The following CLIC4 variants were observed in gnomAD, a reference collection of about 807,000 sequenced individuals.
CLIC4 encodes the protein chloride intracellular channel protein 4.
In CLIC4, 13 loss-of-function variants were observed where a neutral mutation model predicts 24.6. The ratio of observed to expected loss-of-function variants is 0.53; its 90% CI spans 0.34 to 0.84. CLIC4 has a LOEUF of 0.84. Ranked by LOEUF, CLIC4 falls within the 40% of genes least tolerant of loss-of-function variation. The probability of loss-of-function intolerance (pLI) is 0.01; values close to 1 mark genes in which losing one functional copy is unlikely to be tolerated. For synonymous variants in CLIC4, 104 were observed against 111.3 expected, an observed-to-expected ratio of 0.93 and a Z score of 0.41; for missense variants, 227 against 301.7, an observed-to-expected ratio of 0.75 and a Z score of 1.83.
intron 4 of CLIC4, among the ~76,000 whole-genome samples, chr1:24,828,201 A>G (rs971033168): frequency 5.3e-5 from 8 of 152,162 alleles, no homozygotes; most frequent in African/African-American, 1.2e-4. Flanking sequence ...TTGGATTCCA[A>G]TGTCTTTTGC....
intron 1 of CLIC4, among the ~76,000 whole-genome samples, chr1:24,794,225 C>T (rs1639371329): frequency 2.0e-5 from 3 of 152,136 alleles, no homozygotes; most frequent in Admixed American, 6.5e-5. Flanking sequence ...ATTGCTGAGT[C>T]GAATGGTAGT....
intron 1 of CLIC4, among the ~76,000 whole-genome samples, chr1:24,783,786 G>A (rs572366008): frequency 1.3e-5 from 2 of 152,306 alleles, no homozygotes; most frequent in Admixed American, 1.3e-4. Context: ...AAGGACTTTG[G>A]ATCACCAAAA....
At chr1:24,831,832 T>A (rs889006480) in intron 4 of CLIC4, among the ~76,000 whole-genome samples, 2 of 152,098 alleles carry the variant, frequency 1.3e-5, no homozygotes, top group African/African-American at 4.8e-5. Flanking sequence ...AGATACGAGG[T>A]CTCATCATGT....
intron 1 of CLIC4, among the ~76,000 whole-genome samples, chr1:24,788,697 T>C (rs947429046): frequency 1.3e-5 from 2 of 152,250 alleles, no homozygotes; most frequent in Non-Finnish European, 2.9e-5. Flanking sequence ...AATTTTGCTT[T>C]TAAATCTAAT....
At chr1:24,773,023 T>C (rs1206889006) in intron 1 of CLIC4, among the ~76,000 whole-genome samples, 2 of 152,202 alleles carry the variant, frequency 1.3e-5, no homozygotes, top group African/African-American at 4.8e-5. Context: ...GTGATATATA[T>C]CCTTACAGCC....
intron 1 of CLIC4, among the ~76,000 whole-genome samples, chr1:24,767,255 G>A (rs957122350): frequency 4.6e-5 from 7 of 152,078 alleles, no homozygotes; most frequent in Admixed American, 2.0e-4. Flanking sequence ...AGTTGCCTTG[G>A]TGTCCCCACT....
Position 24,804,285 on chromosome 1 carries a change from A to C in CLIC4, c.182+6434A>C, listed in dbSNP as rs112324661. Among the ~76,000 whole-genome samples the C allele has an allele frequency of 4.5e-4, 68 of 151,884 alleles. 1 individual carries two copies. The highest frequency in any genetic ancestry group is 1.5e-3 in the African/African-American group (61 of 41,420). On this transcript the variant is annotated intron_variant, in intron 2 of 5. Coordinates refer to ENST00000374379, the MANE Select transcript of CLIC4 (RefSeq NM_013943.3). ...ACTTGAGCTACATGAAGCACTTGTT[A>C]GAACAGTCCAATTCAAGATAATTGT...
intron 2 of CLIC4, among the ~76,000 whole-genome samples, chr1:24,800,414 G>T (rs1490734462): frequency 6.7e-6 from 1 of 149,414 alleles, no homozygotes; most frequent in Admixed American, 6.6e-5. Flanking sequence ...CCCCCAGCCT[G>T]GCCAGCTGCC....
At chr1:24,829,991 A>G (rs1430670927) in intron 4 of CLIC4, among the ~76,000 whole-genome samples, 1 of 152,214 alleles carries the variant, frequency 6.6e-6, no homozygotes, top group East Asian at 1.9e-4. Flanking sequence ...AGGTAGCTTG[A>G]AAATATGGTT....
intron 1 of CLIC4, among the ~76,000 whole-genome samples, chr1:24,786,033 A>C (rs1639263939): frequency 6.6e-6 from 1 of 152,144 alleles, no homozygotes; most frequent in Admixed American, 6.6e-5. Context: ...CTAAAGGTAA[A>C]TGAGGTATTA....
At chr1:24,788,644 A>C (rs1215382579) in intron 1 of CLIC4, among the ~76,000 whole-genome samples, 1 of 152,236 alleles carries the variant, frequency 6.6e-6, no homozygotes, top group African/African-American at 2.4e-5. Context: ...TAATTGTCAA[A>C]TAATATTCCA....
At chr1:24,825,866 T>A (rs138809036) in intron 3 of CLIC4, among the ~76,000 whole-genome samples, 16 of 152,254 alleles carry the variant, frequency 1.1e-4, no homozygotes, top group Middle Eastern at 3.4e-3. Context: ...AATAAATGAG[T>A]TGAAATAATT....
chr1:24,819,182 A>G (rs999867759), intron 3 of CLIC4, among the ~76,000 whole-genome samples: 11 of 152,066 alleles, frequency 7.2e-5, no homozygotes, highest in African/African-American at 2.7e-4. Context: ...CCTATCCTCT[A>G]CTATCCTTCC....
intron 1 of CLIC4, among the ~76,000 whole-genome samples, chr1:24,747,979 C>G (rs775262139): frequency 6.9e-6 from 1 of 144,782 alleles, no homozygotes; most frequent in Non-Finnish European, 1.5e-5. Flanking sequence ...GAGCCAAGAT[C>G]AAGTCACTGC....
At chr1:24,800,694 G>A (rs1186323920) in intron 2 of CLIC4, among the ~76,000 whole-genome samples, 1 of 152,150 alleles carries the variant, frequency 6.6e-6, no homozygotes, top group Non-Finnish European at 1.5e-5. Context: ...AGTAGACATG[G>A]GAGACTTTTC....
intron 2 of CLIC4, among the ~76,000 whole-genome samples, chr1:24,799,727 C>G (rs1207651811): frequency 7.3e-6 from 1 of 137,280 alleles, no homozygotes; most frequent in Non-Finnish European, 1.6e-5. Context: ...CCCGGCCAGC[C>G]GCCCCGTCCG....
chr1:24,797,011 T>C (rs1329924745), intron 1 of CLIC4, among the ~76,000 whole-genome samples: 4 of 150,900 alleles, frequency 2.7e-5, no homozygotes, highest in African/African-American at 9.7e-5. Flanking sequence ...CTGGAGTGCA[T>C]GGCACGATCT....
At chr1:24,784,129 G>A (rs1471721988) in intron 1 of CLIC4, among the ~76,000 whole-genome samples, 1 of 151,632 alleles carries the variant, frequency 6.6e-6, no homozygotes, top group Non-Finnish European at 1.5e-5. Flanking sequence ...TTGATGGGAG[G>A]GTTTTTGTTT....
intron 2 of CLIC4, among the ~76,000 whole-genome samples, chr1:24,801,963 T>C (rs1446704988): frequency 1.3e-5 from 2 of 152,060 alleles, no homozygotes; most frequent in South Asian, 2.1e-4. Flanking sequence ...GTTACCCTTC[T>C]ATTACTGTTT....
Sources: gnomAD v4.1 joint callset for allele counts (sites outside exome capture counted in the v4.1 genomes callset) on GRCh38, gnomAD v4.1.1 for gene constraint, MANE v1.5 for transcripts, NCBI Gene and HGNC (gene_info 2026-07-23, HGNC 2026-07-21) for gene names.